RHOBTB1: variants seen among roughly 807,000 people sequenced by gnomAD.
RHOBTB1 encodes the protein Rho related BTB domain containing 1.
RHOBTB1 carries 40 observed loss-of-function variants against 71.6 expected under a neutral mutation model. The observed-to-expected ratio is 0.56, with a 90% CI of 0.43 to 0.73. The LOEUF (loss-of-function observed/expected upper bound fraction) is 0.73. Ranked by LOEUF, RHOBTB1 falls within the 30% of genes least tolerant of loss-of-function variation. The probability of loss-of-function intolerance (pLI) is 0.00; values close to 1 mark genes in which losing one functional copy is unlikely to be tolerated. For missense variants in RHOBTB1, 797 were observed against 894.0 expected (o/e 0.89, Z 1.38); for synonymous variants, 319 against 334.9 (o/e 0.95, Z 0.52).
intron 4 of RHOBTB1, among the ~76,000 whole-genome samples, chr10:60,900,534 G>A (rs10509141): frequency 0.19 from 28,397 of 152,040 alleles, 3,336 homozygotes; most frequent in African/African-American, 0.34. Flanking sequence ...CTTTTCCACC[G>A]TACTATGAGG....
At chr10:60,992,663 T>C (rs970368445) in intron 1 of RHOBTB1, among the ~76,000 whole-genome samples, 1 of 152,224 alleles carries the variant, frequency 6.6e-6, no homozygotes, top group Non-Finnish European at 1.5e-5. Flanking sequence ...CTCAGTCACA[T>C]TTTTCTCATG....
intron 4 of RHOBTB1, among the ~76,000 whole-genome samples, chr10:60,899,235 T>C (rs1300181132): frequency 6.6e-6 from 1 of 152,240 alleles, no homozygotes; most frequent in African/African-American, 2.4e-5. Context: ...TAAACAGTCC[T>C]ACTTAACTCC....
At chr10:60,983,283 C>A (rs2086561390) in intron 2 of RHOBTB1, among the ~76,000 whole-genome samples, 1 of 152,100 alleles carries the variant, frequency 6.6e-6, no homozygotes, top group South Asian at 2.1e-4. Flanking sequence ...TCTTAGGAGA[C>A]TATTGGTATT....
chr10:60,984,528 T>C (rs1378022220), intron 2 of RHOBTB1, among the ~76,000 whole-genome samples: 1 of 152,140 alleles, frequency 6.6e-6, no homozygotes, highest in Non-Finnish European at 1.5e-5. Flanking sequence ...TGCAAATAGA[T>C]TTAATTAACT....
intron 1 of RHOBTB1, among the ~76,000 whole-genome samples, chr10:60,996,544 G>C (rs905378404): frequency 7.2e-5 from 11 of 152,002 alleles, no homozygotes; most frequent in African/African-American, 2.7e-4. Flanking sequence ...TAGATGACCT[G>C]ATGTCCCCGA....
chr10:60,977,648 T>TG (rs2086359873), intron 2 of RHOBTB1, among the ~76,000 whole-genome samples: 1 of 151,986 alleles, frequency 6.6e-6, no homozygotes. Context: ...TCTGTCCCAA[T>TG]CCCCAGATGC....
intron 2 of RHOBTB1, among the ~76,000 whole-genome samples, chr10:60,953,941 T>C (rs2085497950): frequency 6.7e-6 from 1 of 149,432 alleles, no homozygotes; most frequent in Non-Finnish European, 1.5e-5. Flanking sequence ...AAACATTAAG[T>C]TATATAAAGT....
chr10:60,987,873 C>A (rs1012178478), intron 1 of RHOBTB1, among the ~76,000 whole-genome samples: 2 of 150,878 alleles, frequency 1.3e-5, no homozygotes, highest in Admixed American at 6.6e-5. Flanking sequence ...TTGTTTCCTG[C>A]CTCTGAGACC....
downstream of RHOBTB1, among the ~76,000 whole-genome samples, chr10:60,867,180 G>A (rs938642703): frequency 1.3e-5 from 2 of 152,164 alleles, no homozygotes; most frequent in African/African-American, 4.8e-5. Context: ...CTTTTCACAT[G>A]ACAGTTGAAC....
intron 9 of RHOBTB1, among the ~76,000 whole-genome samples, 194 bp from the exon 10 acceptor site, chr10:60,872,484 C>T (rs933671044): frequency 1.3e-5 from 2 of 152,184 alleles, no homozygotes; most frequent in African/African-American, 2.4e-5. Context: ...TGGGCACACC[C>T]CTCCTTTCCC....
At chr10:60,923,617 C>T (rs1006374526) in intron 2 of RHOBTB1, among the ~76,000 whole-genome samples, 1 of 152,050 alleles carries the variant, frequency 6.6e-6, no homozygotes, top group Non-Finnish European at 1.5e-5. Flanking sequence ...GAATAGTATG[C>T]GATATGGTTT....
chr10:60,905,404 C>T lies in RHOBTB1; in HGVS notation c.296+5483G>A, dbSNP rs193207986. Among the ~76,000 whole-genome samples, 881 of 140,358 alleles carry T rather than the reference C, an allele frequency of 6.3e-3. 5 individuals carry two copies. Among genetic ancestry groups the T allele is most frequent in the Non-Finnish European group, 9.6e-3 (638 of 66,172 alleles). The allele number at this position is 140,358 out of a possible 152,430, so 92.1% of individuals were successfully genotyped here. ...GACGTAGGTTGCAGCAAGCCAAGATCGCGCCACTGCACACCAGCCTGGGCA... is the reference window on the plus strand; with the variant it reads ...GACGTAGGTTGCAGCAAGCCAAGATTGCGCCACTGCACACCAGCCTGGGCA... On this transcript the variant is annotated intron_variant, in intron 4 of 10. Transcript: ENST00000337910.
chr10:60,989,729 C>T (rs1321424111), intron 1 of RHOBTB1, among the ~76,000 whole-genome samples: 1 of 152,146 alleles, frequency 6.6e-6, no homozygotes, highest in African/African-American at 2.4e-5. Flanking sequence ...AAAACTGAGG[C>T]TGTAGCTCAG....
intron 4 of RHOBTB1, among the ~76,000 whole-genome samples, chr10:60,897,996 G>A (rs1396523755): frequency 2.0e-5 from 3 of 152,112 alleles, no homozygotes; most frequent in East Asian, 1.9e-4. Context: ...GAGCCACCGC[G>A]CCTGGCCGCT....
At chr10:60,913,488 T>G (rs564312767) in intron 2 of RHOBTB1, among the ~76,000 whole-genome samples, 2 of 152,318 alleles carry the variant, frequency 1.3e-5, no homozygotes, top group Admixed American at 1.3e-4. Flanking sequence ...AAATTCAGTT[T>G]TAAACTTCTA....
At chr10:60,983,831 G>A (rs2086579002) in intron 2 of RHOBTB1, among the ~76,000 whole-genome samples, 1 of 152,114 alleles carries the variant, frequency 6.6e-6, no homozygotes, top group Admixed American at 6.5e-5. Flanking sequence ...AGAGCTTCCC[G>A]GCCCCGCCCT....
Position 60,892,889 on chromosome 10 carries a change from C to T in RHOBTB1, c.403G>A (p.Val135Ile), listed in dbSNP as rs139627798. The T allele has an allele frequency of 3.9e-5, 63 of 1,613,934 alleles. No homozygotes were observed. Among genetic ancestry groups the T allele is most frequent in the Middle Eastern group, 1.6e-4 (1 of 6,082 alleles). ...EIKHFCPRTP[V>I]ILVGCQLDLR... ...TCAAGCTGGCACCCAACAAGGATAA[C>T]GGGTGTTCGAGGGCAAAAGTGCTTG... Residue 135 changes from valine (V) to isoleucine (I), a missense_variant, in exon 5 of 11, where the codon GTT becomes ATT. Val to Ile is a conservative substitution (Grantham distance 29, BLOSUM62 3). This residue lies in a region of RHOBTB1 where 139 missense variants were observed against 212.5 expected (regional missense o/e 0.65). Coordinates refer to ENST00000337910, the MANE Select transcript of RHOBTB1 (RefSeq NM_014836.5).
chr10:60,911,861 G>A (rs556991239), intron 2 of RHOBTB1, among the ~76,000 whole-genome samples: 13 of 152,180 alleles, frequency 8.5e-5, no homozygotes, highest in East Asian at 3.9e-4. Flanking sequence ...AGCCACTGTC[G>A]GGACAGCTGG....
chr10:60,956,511 A>T (rs1005489620), intron 2 of RHOBTB1, among the ~76,000 whole-genome samples: 4 of 152,190 alleles, frequency 2.6e-5, no homozygotes, highest in African/African-American at 9.7e-5. Context: ...TTGTAAGCTT[A>T]ATTTTTAAAA....
Sources: gnomAD v4.1 joint callset for allele counts (sites outside exome capture counted in the v4.1 genomes callset) on GRCh38, gnomAD v4.1.1 for gene constraint, gnomAD v4.1.1 regional missense constraint, MANE v1.5 for transcripts, NCBI Gene and HGNC (gene_info 2026-07-23, HGNC 2026-07-21) for gene names.